The following CLMN variants were observed in gnomAD, a reference collection of about 807,000 sequenced individuals.
The protein encoded by CLMN is calmin (calponin-like, transmembrane).
In CLMN, 57 loss-of-function variants were observed where a neutral mutation model predicts 92.7. That is an observed-to-expected ratio of 0.61 (90% CI 0.50 to 0.77). The LOEUF is 0.77. CLMN is among the 30% of genes least tolerant of loss of function. The pLI is 0.00. For missense variants in CLMN, 1,158 were observed against 1,237.5 expected (o/e 0.94, Z 0.96); for synonymous variants, 466 against 470.6 (o/e 0.99, Z 0.13).
chr14:95,202,299 T>C lies in CLMN; in HGVS notation c.2511+539A>G, dbSNP rs149932659. Among the ~76,000 whole-genome samples the C allele has an allele frequency of 4.9e-3, 740 of 152,308 alleles. 9 individuals are homozygous for C. The highest frequency in any genetic ancestry group is 0.016 in the African/African-American group (678 of 41,562). ...ACTGGTGTGAGATGGAATCTCATTG[T>C]GGTTTTGATTTGCATTTCTCTAATG... On this transcript the variant is annotated intron_variant, in intron 9 of 12. Transcript: ENST00000298912.
At chr14:95,272,808 G>A (rs1400315953) in intron 1 of CLMN, among the ~76,000 whole-genome samples, 7 of 152,110 alleles carry the variant, frequency 4.6e-5, no homozygotes, top group East Asian at 1.9e-4. Context: ...GTTTCTATGC[G>A]CTCCCAAGGG....
At chr14:95,257,433 A>C (rs1333874493) in intron 1 of CLMN, among the ~76,000 whole-genome samples, 1 of 152,224 alleles carries the variant, frequency 6.6e-6, no homozygotes, top group Non-Finnish European at 1.5e-5. Context: ...TGTTTTGTTC[A>C]TAGAATAATT....
At chr14:95,236,497 G>A (rs1361382362) in intron 1 of CLMN, among the ~76,000 whole-genome samples, 1 of 152,240 alleles carries the variant, frequency 6.6e-6, no homozygotes, top group Admixed American at 6.5e-5. Flanking sequence ...TGATTGCCAC[G>A]ACTGAGGGGG....
rs926896928 is a variant in CLMN, at chr14:95,183,517, T to C, written c.*8047A>G. 2.0e-5 allele frequency: 3 copies of C among 152,248 alleles called. No individual in the cohort carries two copies. Among genetic ancestry groups the C allele is most frequent in the Non-Finnish European group, 2.9e-5 (2 of 68,042 alleles). The allele number at this position is 152,248 out of a possible 1,614,324, so 9.4% of individuals were successfully genotyped here. ...CCAACCAGTTATGAATTCATCCAAGTAATTCGTGGTCTCTACTTCTCCATT... is the reference window on the plus strand; with the variant it reads ...CCAACCAGTTATGAATTCATCCAAGCAATTCGTGGTCTCTACTTCTCCATT... On this transcript the variant is annotated 3_prime_UTR_variant, in exon 13 of 13. Transcript: ENST00000298912.
chr14:95,199,708 G>C (rs1487151713), intron 9 of CLMN, among the ~76,000 whole-genome samples: 2 of 152,210 alleles, frequency 1.3e-5, no homozygotes, highest in Non-Finnish European at 2.9e-5. Flanking sequence ...TATAGGGAGG[G>C]AGCAATGGCT....
rs747998287 is a variant in CLMN, at chr14:95,203,882, G to A, written c.1467C>T (p.Val489=). 138 of 1,613,986 alleles carry A rather than the reference G, an allele frequency of 8.6e-5. No individual in the cohort carries two copies. Among genetic ancestry groups the A allele is most frequent in the Admixed American group, 1.2e-4 (7 of 60,002 alleles). Residue 489 remains valine (V), a synonymous_variant, in exon 9 of 13, where the codon GTC becomes GTT. Transcript: ENST00000298912. ...CCTCCACCAAAAAAATGTCACCAGC[G>A]ACCTTGTCAGAGGAGGATTCTGGAA... The part of the protein sequence containing the change: ...SKIPESSSDK[V]AGDIFLVEGT...
Position 95,190,787 on chromosome 14 carries a change from C to T in CLMN, c.*777G>A, listed in dbSNP as rs1436227331. On this transcript the variant is annotated 3_prime_UTR_variant, in exon 13 of 13. Coordinates refer to ENST00000298912, the MANE Select transcript of CLMN (RefSeq NM_024734.4). ...ATTCCAGCCCAGCCACTCCTCATGG[C>T]TTTTATATGGCCCTGCTGGGCCCTG... 1 of 152,188 alleles carries T rather than the reference C, an allele frequency of 6.6e-6. No homozygotes were observed. The highest frequency in any genetic ancestry group is 2.4e-5 in the African/African-American group (1 of 41,436). 9.4% of individuals were successfully genotyped at this position (152,188 alleles called of 1,614,324 possible).
Position 95,191,477 on chromosome 14 carries a change from G to T in CLMN, c.*87C>A. 9.0e-7 allele frequency: 1 copy of T among 1,109,900 alleles called. No individual in the cohort carries two copies. Among genetic ancestry groups the T allele is most frequent in the Non-Finnish European group, 1.3e-6 (1 of 799,864 alleles). 68.8% of individuals were successfully genotyped at this position (1,109,900 alleles called of 1,614,324 possible). ...CCTCGGAGGTCCTCAACTGTCTGTA[G>T]AAGTGCCCCACCCAGAACCCAAAAT... On this transcript the variant is annotated 3_prime_UTR_variant, in exon 13 of 13. Coordinates refer to ENST00000298912, the MANE Select transcript of CLMN (RefSeq NM_024734.4). The surrounding 1 kb of genome is among the most constrained non-coding windows in gnomAD (Gnocchi z 5.3).
chr14:95,223,919 G>C (rs1198251400), intron 2 of CLMN, 64 bp from the exon 3 acceptor site: 1 of 1,149,040 alleles, frequency 8.7e-7, no homozygotes, highest in African/African-American at 1.5e-5. Flanking sequence ...AGCTATGTCA[G>C]AGATGCAGCT....
rs1900704972 is a variant in CLMN at position 95,294,007 on chromosome 14, G to A, written c.82+25704C>T. ...GTGCCAGCCCCACTGCCTGGCTGGA[G>A]GGTGACACCAAAGAGGAGGAGGAGG... On this transcript the variant is annotated intron_variant, in intron 1 of 12. Coordinates refer to ENST00000298912, the MANE Select transcript of CLMN (RefSeq NM_024734.4). The surrounding 1 kb of genome is among the most constrained non-coding windows in gnomAD (Gnocchi z 4.2). Among the ~76,000 whole-genome samples, 1 of 143,966 alleles carries A rather than the reference G, an allele frequency of 6.9e-6. No individual in the cohort carries two copies. Among genetic ancestry groups the A allele is most frequent in the Non-Finnish European group, 1.5e-5 (1 of 65,300 alleles). 94.4% of individuals were successfully genotyped at this position (143,966 alleles called of 152,430 possible).
Position 95,319,703 on chromosome 14 carries a change from T to G in CLMN, c.82+8A>C. On this transcript the variant is annotated splice_region_variant and intron_variant, in intron 1 of 12. Coordinates refer to ENST00000298912, the MANE Select transcript of CLMN (RefSeq NM_024734.4). ...CAGCCATCCCGGGGCGAGCCTGGGC[T>G]GCGTTACCTTGCAGGTTCTGCACTC... 2 of 1,593,246 alleles carry G rather than the reference T, an allele frequency of 1.3e-6. No individual in the cohort carries two copies. The highest frequency in any genetic ancestry group is 1.7e-6 in the Non-Finnish European group (2 of 1,174,856).
chr14:95,204,501 CAAAAG>C (rs1896991005), intron 8 of CLMN, 38 bp from the exon 9 acceptor site: 9 of 1,493,394 alleles, frequency 6.0e-6, no homozygotes, highest in Non-Finnish European at 8.9e-7. Context: ...CAAAAAAAAA[CAAAAG>C]AACAACAACA....
At chr14:95,243,610 G>T (rs1218823312) in intron 1 of CLMN, among the ~76,000 whole-genome samples, 1 of 143,896 alleles carries the variant, frequency 6.9e-6, no homozygotes, top group Non-Finnish European at 1.5e-5. Context: ...GAAGAAAAAT[G>T]ATTCCTTGAT....
intron 8 of CLMN, among the ~76,000 whole-genome samples, chr14:95,208,167 A>G (rs1367065253): frequency 6.6e-6 from 1 of 151,828 alleles, no homozygotes; most frequent in Non-Finnish European, 1.5e-5. Flanking sequence ...ACTTATAACT[A>G]CCCCAAGTTA....
chr14:95,250,624 C>T (rs142919658), intron 1 of CLMN, among the ~76,000 whole-genome samples: 34 of 152,302 alleles, frequency 2.2e-4, no homozygotes, highest in African/African-American at 7.9e-4. Flanking sequence ...TAAATATTGG[C>T]GGCTGAGCCA....
intron 1 of CLMN, among the ~76,000 whole-genome samples, chr14:95,312,443 G>A (rs1901581686): frequency 1.3e-5 from 2 of 152,184 alleles, no homozygotes; most frequent in African/African-American, 4.8e-5. Context: ...ATTCCCTGCT[G>A]TCATCACGAG....
At chr14:95,208,839 G>A (rs1169321558) in intron 8 of CLMN, among the ~76,000 whole-genome samples, 3 of 152,194 alleles carry the variant, frequency 2.0e-5, no homozygotes, top group Admixed American at 6.5e-5. Context: ...TCACCATCCT[G>A]CTCTGTCCTG....
rs140745412 is a variant in CLMN, at chr14:95,253,509, G to A, written c.83-23376C>T. Among the ~76,000 whole-genome samples the A allele has an allele frequency of 5.3e-4, 80 of 152,216 alleles. 1 individual carries two copies. The highest frequency in any genetic ancestry group is 1.8e-3 in the African/African-American group (76 of 41,526). On this transcript the variant is annotated intron_variant, in intron 1 of 12. Coordinates refer to ENST00000298912, the MANE Select transcript of CLMN (RefSeq NM_024734.4). ...CAATTACAAATATGGATCAAGTCTC[G>A]CATGCAGGGAATGCAGGGAGATGGA...
intron 1 of CLMN, among the ~76,000 whole-genome samples, chr14:95,261,150 C>G (rs1899236521): frequency 6.9e-6 from 1 of 144,614 alleles, no homozygotes. Flanking sequence ...TGACTGGGGG[C>G]TGTTTTAAAC....
Sources: gnomAD v4.1 joint callset for allele counts (sites outside exome capture counted in the v4.1 genomes callset) on GRCh38, gnomAD v4.1.1 for gene constraint, Gnocchi (gnomAD v3.1) non-coding constraint, MANE v1.5 for transcripts, NCBI Gene and HGNC (gene_info 2026-07-23, HGNC 2026-07-21) for gene names.